The following PDHX variants were observed in gnomAD, a reference collection of about 807,000 sequenced individuals.
PDHX encodes the protein pyruvate dehydrogenase complex component X, also known as pyruvate dehydrogenase protein X component, mitochondrial.
In PDHX, 33 loss-of-function variants were observed where a neutral mutation model predicts 55.3. That is an observed-to-expected ratio of 0.60 (90% CI 0.45 to 0.80). The LOEUF is 0.80. Among genes scored for constraint, PDHX ranks in the 30% least tolerant of loss-of-function variants. PDHX has a pLI of 0.00. For missense variants in PDHX, 622 were observed against 619.9 expected, an observed-to-expected ratio of 1.00 and a Z score of -0.04; for synonymous variants, 226 against 219.4, an observed-to-expected ratio of 1.03 and a Z score of -0.27.
chr11:34,992,121 T>C (rs182166754), intron 9 of PDHX, among the ~76,000 whole-genome samples, 194 bp from the exon 10 acceptor site: 32 of 152,264 alleles, frequency 2.1e-4, no homozygotes, highest in African/African-American at 6.3e-4. Context: ...GAGTTTTGAT[T>C]AACAGCTTTA....
chr11:34,946,249 AT>A (rs1854616788), intron 2 of PDHX, among the ~76,000 whole-genome samples: 1 of 151,130 alleles, frequency 6.6e-6, no homozygotes, highest in South Asian at 2.1e-4. Flanking sequence ...CATTTTTAAG[AT>A]TTCTAATTCG....
intron 3 of PDHX, among the ~76,000 whole-genome samples, chr11:34,954,653 G>C (rs1326327673): frequency 6.6e-6 from 1 of 152,122 alleles, no homozygotes; most frequent in East Asian, 1.9e-4. Flanking sequence ...GTCTAATCTT[G>C]ATCCATGTTG....
At chr11:34,949,848 A>G (rs1202125591) in intron 3 of PDHX, among the ~76,000 whole-genome samples, 1 of 152,204 alleles carries the variant, frequency 6.6e-6, no homozygotes, top group Non-Finnish European at 1.5e-5. Flanking sequence ...TTGACTAGCA[A>G]TATATTTATT....
chr11:34,990,798 A>G (rs939537271), intron 9 of PDHX, among the ~76,000 whole-genome samples: 29 of 152,360 alleles, frequency 1.9e-4, no homozygotes, highest in African/African-American at 6.0e-4. Flanking sequence ...AGTACGTTAC[A>G]GTAATGTGTT....
intron 1 of PDHX, among the ~76,000 whole-genome samples, chr11:34,931,170 A>G (rs894566429): frequency 2.0e-5 from 3 of 152,206 alleles, no homozygotes; most frequent in Non-Finnish European, 4.4e-5. Context: ...ACACTGGGGA[A>G]TTATGAAAAC....
intron 2 of PDHX, among the ~76,000 whole-genome samples, chr11:34,934,576 T>A (rs1854260987): frequency 7.1e-6 from 1 of 140,670 alleles, no homozygotes. Context: ...TATGGATTTT[T>A]TTTTTTTTTT....
At chr11:34,944,753 A>T (rs928555219) in intron 2 of PDHX, among the ~76,000 whole-genome samples, 3 of 152,016 alleles carry the variant, frequency 2.0e-5, no homozygotes, top group Non-Finnish European at 4.4e-5. Flanking sequence ...TTTATATGTT[A>T]CATATTTTTT....
intron 3 of PDHX, among the ~76,000 whole-genome samples, chr11:34,949,015 A>G (rs773819556): frequency 6.6e-6 from 1 of 152,156 alleles, no homozygotes; most frequent in Non-Finnish European, 1.5e-5. Flanking sequence ...GTGCCAATTC[A>G]TCTGGCCCCT....
chr11:34,923,360 A>G (rs1014064613), intron 1 of PDHX, among the ~76,000 whole-genome samples: 2 of 152,190 alleles, frequency 1.3e-5, no homozygotes, highest in African/African-American at 2.4e-5. Context: ...TCTTGGGAAT[A>G]TATTAGCCCT....
intron 2 of PDHX, among the ~76,000 whole-genome samples, chr11:34,944,246 AG>A (rs1362617013): frequency 6.6e-6 from 1 of 151,916 alleles, no homozygotes; most frequent in Non-Finnish European, 1.5e-5. Context: ...CAACCTCCCG[AG>A]TAGCTGGGAC....
At chr11:34,988,759 C>G (rs1855702580) in intron 9 of PDHX, among the ~76,000 whole-genome samples, 1 of 152,154 alleles carries the variant, frequency 6.6e-6, no homozygotes, top group South Asian at 2.1e-4. Flanking sequence ...TTGGAGTTCT[C>G]TCTTATCCAA....
intron 8 of PDHX, among the ~76,000 whole-genome samples, chr11:34,978,711 C>T (rs1855437579): frequency 6.6e-6 from 1 of 151,966 alleles, no homozygotes; most frequent in South Asian, 2.1e-4. Flanking sequence ...CAGAGGATCG[C>T]ATTAACCAAA....
At chr11:34,960,641 G>A in intron 5 of PDHX, 123 bp downstream of exon 5, 2 of 616,142 alleles carry the variant, frequency 3.2e-6, no homozygotes, top group South Asian at 2.0e-5. Flanking sequence ...TTCTTCTTTT[G>A]TACTTTTAAT....
chr11:34,963,690 T>C (rs1370226022), intron 5 of PDHX, among the ~76,000 whole-genome samples: 1 of 152,188 alleles, frequency 6.6e-6, no homozygotes, highest in Non-Finnish European at 1.5e-5. Flanking sequence ...CCACTGTATT[T>C]GTGAAGAAAA....
rs138705027 is a variant in PDHX at position 34,961,296 on chromosome 11, T to C, written c.641+778T>C. Among the ~76,000 whole-genome samples the C allele has an allele frequency of 5.4e-3, 826 of 152,308 alleles. 2 individuals carry two copies. The highest frequency in any genetic ancestry group is 0.017 in the Middle Eastern group (5 of 294). ...GTTTGTGTCTTTCCATTAGTTTAAA[T>C]GTTTGTGTCTTTCAAAACAGATGGC... is the stretch of plus-strand genomic sequence containing the variant. On this transcript the variant is annotated intron_variant, in intron 5 of 10. Coordinates refer to ENST00000227868, the MANE Select transcript of PDHX (RefSeq NM_003477.3).
chr11:34,992,296 C>G lies in PDHX; in HGVS notation c.1183-19C>G. ...ATAACATTTTGTTGGTTGTCCTATT[C>G]TGTTTGTATTTTTCTCAGGCTCTAT... is the stretch of plus-strand genomic sequence containing the variant. On this transcript the variant is annotated intron_variant, in intron 9 of 10. Transcript: ENST00000227868. The G allele has an allele frequency of 6.6e-7, 1 of 1,509,232 alleles. No individual in the cohort carries two copies. Among genetic ancestry groups the G allele is most frequent in the South Asian group, 1.1e-5 (1 of 88,644 alleles). The allele number at this position is 1,509,232 out of a possible 1,614,324, so 93.5% of individuals were successfully genotyped here.
chr11:34,975,168 C>T (rs1855339600), intron 7 of PDHX, among the ~76,000 whole-genome samples: 1 of 126,354 alleles, frequency 7.9e-6, no homozygotes, highest in South Asian at 2.7e-4. Context: ...TGTTTTCCAC[C>T]TGTCTGGTTG....
chr11:34,967,531 A>C (rs1288145321), intron 6 of PDHX, among the ~76,000 whole-genome samples: 1 of 152,220 alleles, frequency 6.6e-6, no homozygotes, highest in East Asian at 1.9e-4. Flanking sequence ...TAATCTCACT[A>C]TGAAGAACTA....
chr11:34,957,216 G>A (rs1303877243), intron 3 of PDHX, among the ~76,000 whole-genome samples, 168 bp from the exon 4 acceptor site: 4 of 152,228 alleles, frequency 2.6e-5, no homozygotes, highest in African/African-American at 4.8e-5. Flanking sequence ...GCATAAGTGG[G>A]AGAAAGTGGA....
Sources: allele counts gnomAD v4.1 joint callset (sites outside exome capture counted in the v4.1 genomes callset), GRCh38; gene constraint gnomAD v4.1.1; transcripts MANE v1.5; gene names NCBI Gene and HGNC (gene_info 2026-07-23, HGNC 2026-07-21).